CYRIB: variants seen among roughly 807,000 people sequenced by gnomAD.
The protein encoded by CYRIB is CYFIP related Rac1 interactor B.
CYRIB carries 8 observed loss-of-function variants against 44.2 expected under a neutral mutation model. The ratio of observed to expected loss-of-function variants is 0.18; its 90% CI spans 0.11 to 0.33. The LOEUF (loss-of-function observed/expected upper bound fraction) is 0.33. Among genes scored for constraint, CYRIB ranks in the 10% least tolerant of loss-of-function variants. CYRIB has a pLI of 1.00. For missense variants in CYRIB, 185 were observed against 382.8 expected (o/e 0.48, Z 4.31); for synonymous variants, 131 against 127.2 (o/e 1.03, Z -0.20).
intron 1 of CYRIB, among the ~76,000 whole-genome samples, chr8:129,990,318 C>A (rs940567306): frequency 2.6e-5 from 4 of 152,166 alleles, no homozygotes; most frequent in Non-Finnish European, 5.9e-5. Context: ...TCTTAACACA[C>A]ACATGCATAT....
intron 2 of CYRIB, among the ~76,000 whole-genome samples, chr8:129,964,197 C>T (rs1591304688): frequency 6.6e-6 from 1 of 152,310 alleles, no homozygotes; most frequent in East Asian, 1.9e-4. Context: ...TCTCTTAGTC[C>T]TTTGATGATG....
chr8:129,874,079 T>C (rs2058298345), intron 3 of CYRIB, among the ~76,000 whole-genome samples: 1 of 151,892 alleles, frequency 6.6e-6, no homozygotes, highest in Non-Finnish European at 1.5e-5. Context: ...TTTTATTTTT[T>C]TCAAAAAACG....
exon 1 of CYRIB, chr8:130,016,380 G>C (rs1034097520): frequency 6.7e-6 from 1 of 149,094 alleles, no homozygotes; most frequent in African/African-American, 2.4e-5. Context: ...CTGGCGGCCC[G>C]GGCGGGCGAG....
chr8:129,851,459 G>A (rs1479926230), intron 8 of CYRIB: 1 of 153,624 alleles, frequency 6.5e-6, no homozygotes, highest in Non-Finnish European at 1.4e-5. Context: ...ATTTTGGAGG[G>A]AAAGCCAATG....
At chr8:129,902,724 A>T (rs1014681904) in intron 2 of CYRIB, among the ~76,000 whole-genome samples, 3 of 152,200 alleles carry the variant, frequency 2.0e-5, no homozygotes, top group Non-Finnish European at 4.4e-5. Flanking sequence ...TTCACTTAAG[A>T]ACACAAAATC....
chr8:129,875,492 T>C (rs2133595805), intron 3 of CYRIB, among the ~76,000 whole-genome samples: 1 of 152,256 alleles, frequency 6.6e-6, no homozygotes, highest in African/African-American at 2.4e-5. Flanking sequence ...ATTACAGCCA[T>C]GAGCCACTGC....
At chr8:130,000,057 G>A (rs2133850224) in intron 1 of CYRIB, among the ~76,000 whole-genome samples, 1 of 152,336 alleles carries the variant, frequency 6.6e-6, no homozygotes, top group Non-Finnish European at 1.5e-5. Context: ...GTAAGGACAA[G>A]GAGCATGCAT....
chr8:129,973,140 A>C (rs1426263431), intron 1 of CYRIB, among the ~76,000 whole-genome samples: 2 of 152,350 alleles, frequency 1.3e-5, no homozygotes, highest in East Asian at 3.9e-4. Context: ...GGGAGCAATT[A>C]CAGGCAGATG....
At chr8:129,964,129 C>T (rs1383624379) in intron 2 of CYRIB, among the ~76,000 whole-genome samples, 1 of 152,204 alleles carries the variant, frequency 6.6e-6, no homozygotes, top group African/African-American at 2.4e-5. Flanking sequence ...CTGGGAACAT[C>T]TGTTTTGAGA....
chr8:129,973,943 A>C (rs1051605555), intron 1 of CYRIB, among the ~76,000 whole-genome samples: 3 of 152,110 alleles, frequency 2.0e-5, no homozygotes, highest in Admixed American at 6.5e-5. Flanking sequence ...AGAGACTTTA[A>C]GCTTTAAGCT....
At position 129,930,379 on chromosome 8, in the gene CYRIB, A is replaced by ATATATATATATATATATATT. The variant is rs971468534; in HGVS notation, c.-50+9228_-50+9229insAATATATATATATATATATA. On this transcript the variant is annotated intron_variant, in intron 1 of 11. Coordinates refer to ENST00000519824, the Ensembl canonical transcript of CYRIB. Reference sequence around the variant, plus strand: ...TTGTGAAGTGCTTATATATATATATATTTTAATTATTTAAATCCATAGGCT... The same window carrying ATATATATATATATATATATT: ...TTGTGAAGTGCTTATATATATATATATATATATATATATATATATTTTTTAATTATTTAAATCCATAGGCT... Among the ~76,000 whole-genome samples, 27 of 130,098 alleles carry ATATATATATATATATATATT rather than the reference A, an allele frequency of 2.1e-4. No homozygotes were observed. In the South Asian group the frequency reaches 2.4e-3, roughly 11 times the overall value. The allele number at this position is 130,098 out of a possible 152,430, so 85.3% of individuals were successfully genotyped here.
At chr8:129,883,312 A>C (rs1242925932) in intron 2 of CYRIB, among the ~76,000 whole-genome samples, 2 of 151,806 alleles carry the variant, frequency 1.3e-5, no homozygotes, top group Non-Finnish European at 2.9e-5. Context: ...AAGCTGTGAC[A>C]ATCAAAAATG....
At chr8:129,909,889 T>C (rs2077104795) in intron 1 of CYRIB, among the ~76,000 whole-genome samples, 1 of 152,160 alleles carries the variant, frequency 6.6e-6, no homozygotes, top group Non-Finnish European at 1.5e-5. Flanking sequence ...TTAAGGCACA[T>C]AAACATACCT....
At chr8:129,978,708 C>T (rs1367144976) in intron 1 of CYRIB, among the ~76,000 whole-genome samples, 1 of 152,158 alleles carries the variant, frequency 6.6e-6, no homozygotes. Context: ...TGCTAATACA[C>T]TGGGGTTGGG....
At chr8:129,964,251 C>T (rs992726198) in intron 2 of CYRIB, among the ~76,000 whole-genome samples, 4 of 152,182 alleles carry the variant, frequency 2.6e-5, no homozygotes, top group South Asian at 2.1e-4. Context: ...ATTCAGGAAA[C>T]GAGGACATCG....
At chr8:129,956,329 G>A (rs576650478) in intron 2 of CYRIB, among the ~76,000 whole-genome samples, 67 of 151,944 alleles carry the variant, frequency 4.4e-4, no homozygotes, top group Non-Finnish European at 8.4e-4. Context: ...AACTTAACTT[G>A]TCCTGAACAT....
chr8:130,005,694 C>T (rs541029599), intron 1 of CYRIB, among the ~76,000 whole-genome samples: 8 of 152,102 alleles, frequency 5.3e-5, no homozygotes, highest in African/African-American at 7.2e-5. Flanking sequence ...TCCATCTGTG[C>T]CTTAAAAATT....
At chr8:129,883,243 G>A (rs922911683) in intron 2 of CYRIB, among the ~76,000 whole-genome samples, 1 of 151,438 alleles carries the variant, frequency 6.6e-6, no homozygotes, top group African/African-American at 2.4e-5. Flanking sequence ...TCACATTGTA[G>A]GAAATACACC....
At chr8:129,983,135 G>A (rs916769555) in intron 1 of CYRIB, among the ~76,000 whole-genome samples, 41 of 151,934 alleles carry the variant, frequency 2.7e-4, no homozygotes, top group African/African-American at 9.7e-4. Flanking sequence ...ACTGCAAGAC[G>A]CTCTCTCTAT....
Sources: gnomAD v4.1 joint callset for allele counts (sites outside exome capture counted in the v4.1 genomes callset) on GRCh38, gnomAD v4.1.1 for gene constraint, MANE v1.5 for transcripts, NCBI Gene and HGNC (gene_info 2026-07-23, HGNC 2026-07-21) for gene names.